ASTN1: variants seen among roughly 807,000 people sequenced by gnomAD.
ASTN1 encodes the protein astrotactin 1.
ASTN1 carries 41 observed loss-of-function variants against 140.7 expected under a neutral mutation model. That is an observed-to-expected ratio of 0.29 (90% CI 0.23 to 0.38). ASTN1 has a LOEUF of 0.38. Among genes scored for constraint, ASTN1 ranks in the 10% least tolerant of loss-of-function variants. The pLI is 1.00. For missense variants in ASTN1, 1,479 were observed against 1,678.8 expected (o/e 0.88, Z 2.08); for synonymous variants, 640 against 652.2 (o/e 0.98, Z 0.29).
chr1:176,966,447 C>T (rs574758379), intron 8 of ASTN1, among the ~76,000 whole-genome samples: 7 of 152,180 alleles, frequency 4.6e-5, no homozygotes, highest in Non-Finnish European at 1.0e-4. Flanking sequence ...CCATGTCCTA[C>T]AAGCTTTTGA....
intron 2 of ASTN1, among the ~76,000 whole-genome samples, chr1:177,055,587 G>A (rs1264107960): frequency 6.6e-6 from 1 of 152,246 alleles, no homozygotes; most frequent in African/African-American, 2.4e-5. Flanking sequence ...TGACCAGTAA[G>A]TCGGTTCAGC....
intron 20 of ASTN1, among the ~76,000 whole-genome samples, chr1:176,879,362 G>C (rs1299729147): frequency 6.6e-6 from 1 of 152,320 alleles, no homozygotes; most frequent in East Asian, 1.9e-4. Flanking sequence ...GTCTGGCTAT[G>C]TGCAGCTCTG....
intron 16 of ASTN1, among the ~76,000 whole-genome samples, chr1:176,924,763 G>C (rs1024429229): frequency 1.3e-5 from 2 of 152,252 alleles, no homozygotes; most frequent in Middle Eastern, 6.8e-3. Flanking sequence ...AAATTGTATG[G>C]TAGAGACAAT....
intron 11 of ASTN1, 82 bp downstream of exon 11, chr1:176,957,596 C>T (rs1672463852): frequency 4.0e-6 from 6 of 1,514,226 alleles, no homozygotes; most frequent in African/African-American, 1.4e-5. Context: ...ACATTTTTCC[C>T]TATGTATCTG....
At chr1:177,070,648 C>T (rs1372012827) in intron 1 of ASTN1, among the ~76,000 whole-genome samples, 2 of 152,058 alleles carry the variant, frequency 1.3e-5, no homozygotes, top group African/African-American at 4.8e-5. Flanking sequence ...ACACAATGAC[C>T]CTTTCGTGTG....
intron 1 of ASTN1, among the ~76,000 whole-genome samples, chr1:177,075,598 C>G (rs1012742766): frequency 6.6e-6 from 1 of 150,654 alleles, no homozygotes; most frequent in African/African-American, 2.4e-5. Flanking sequence ...TTTTTCTGAG[C>G]AACATTTTTT....
chr1:176,896,323 T>C (rs905386615), intron 16 of ASTN1, among the ~76,000 whole-genome samples: 3 of 152,200 alleles, frequency 2.0e-5, no homozygotes, highest in African/African-American at 7.2e-5. Flanking sequence ...CTTCCTTGAT[T>C]ATAAGAGAAC....
chr1:176,965,106 G>C, intron 9 of ASTN1, 57 bp downstream of exon 9: 1 of 1,521,062 alleles, frequency 6.6e-7, no homozygotes, highest in Non-Finnish European at 9.1e-7. Flanking sequence ...CAGTTCGGGG[G>C]AAGCGGAACA....
Position 177,032,821 on chromosome 1 carries a change from A to T in ASTN1, c.500T>A (p.Ile167Asn). The T allele has an allele frequency of 1.2e-6, 2 of 1,609,442 alleles. No individual in the cohort carries two copies. Among genetic ancestry groups the T allele is most frequent in the Non-Finnish European group, 1.7e-6 (2 of 1,178,348 alleles). Residue 167 changes from isoleucine to asparagine, a missense_variant, in exon 3 of 23, where the codon ATC (isoleucine) becomes AAC (asparagine). Physicochemically the swap from Ile to Asn is moderately radical, Grantham distance 149. Coordinates refer to ENST00000361833, the MANE Select transcript of ASTN1 (RefSeq NM_004319.3). Reference protein sequence around the residue: ...MGGMIALLLSILCLVMILYTR... With the variant: ...MGGMIALLLSNLCLVMILYTR... The stretch of plus-strand genomic sequence containing the variant: ...ATACAGGATCATCACCAGGCACAAG[A>T]TGGACAGCAGCAGAGCGATCATGCC...
chr1:176,881,758 C>T (rs966702822), intron 20 of ASTN1, among the ~76,000 whole-genome samples: 1 of 152,198 alleles, frequency 6.6e-6, no homozygotes, highest in Non-Finnish European at 1.5e-5. Context: ...TTTCATCATG[C>T]ATAGCCCATA....
chr1:176,973,363 T>C (rs1470199802), intron 8 of ASTN1, among the ~76,000 whole-genome samples: 2 of 152,174 alleles, frequency 1.3e-5, no homozygotes, highest in African/African-American at 4.8e-5. Flanking sequence ...ATTGTAATCA[T>C]TCCCTTTCAT....
chr1:176,962,968 A>G (rs948962352), intron 9 of ASTN1, among the ~76,000 whole-genome samples: 1 of 152,170 alleles, frequency 6.6e-6, no homozygotes, highest in African/African-American at 2.4e-5. Context: ...AGTTTGGTGG[A>G]GACTTGATTT....
At chr1:177,029,250 T>C in intron 5 of ASTN1, 1 of 461,534 alleles carries the variant, frequency 2.2e-6, no homozygotes, top group Middle Eastern at 6.7e-4. Flanking sequence ...AAGGCCAATG[T>C]GGTAGAGGAA....
At chr1:176,993,007 C>T (rs546201445) in intron 8 of ASTN1, among the ~76,000 whole-genome samples, 12 of 152,306 alleles carry the variant, frequency 7.9e-5, no homozygotes, top group African/African-American at 1.9e-4. Context: ...GAATAGACAA[C>T]GCCAGAGCTC....
intron 8 of ASTN1, among the ~76,000 whole-genome samples, chr1:176,997,295 A>C (rs553115264): frequency 6.6e-6 from 1 of 152,254 alleles, no homozygotes; most frequent in African/African-American, 2.4e-5. Flanking sequence ...AACTTATGTA[A>C]TTTGTTCCCA....
At chr1:177,069,295 C>G (rs184061959) in intron 1 of ASTN1, among the ~76,000 whole-genome samples, 1 of 152,288 alleles carries the variant, frequency 6.6e-6, no homozygotes, top group East Asian at 1.9e-4. Context: ...TGATCTCTCT[C>G]TCAGTGGCTC....
chr1:177,066,464 T>C (rs368095760), intron 1 of ASTN1, among the ~76,000 whole-genome samples: 2 of 152,170 alleles, frequency 1.3e-5, no homozygotes, highest in African/African-American at 2.4e-5. Flanking sequence ...TGTTCTAATG[T>C]TAGCTTGTGG....
chr1:177,109,305 C>T (rs1375851045), intron 1 of ASTN1, among the ~76,000 whole-genome samples: 1 of 152,038 alleles, frequency 6.6e-6, no homozygotes, highest in Non-Finnish European at 1.5e-5. Context: ...CTATAAATAC[C>T]TACTAAGAAA....
At chr1:177,023,130 T>G (rs187066040) in intron 7 of ASTN1, among the ~76,000 whole-genome samples, 2 of 152,338 alleles carry the variant, frequency 1.3e-5, no homozygotes, top group East Asian at 3.9e-4. Flanking sequence ...AAATATCCCC[T>G]GACTATGGGA....
Sources: gnomAD v4.1 joint callset for allele counts (sites outside exome capture counted in the v4.1 genomes callset) on GRCh38, gnomAD v4.1.1 for gene constraint, MANE v1.5 for transcripts, NCBI Gene and HGNC (gene_info 2026-07-23, HGNC 2026-07-21) for gene names.